The following TASOR variants were observed in gnomAD, a reference collection of about 807,000 sequenced individuals.
TASOR encodes transcription activation suppressor.
Under a neutral mutation model 178.6 loss-of-function variants are expected in TASOR, and 53 were observed. The ratio of observed to expected loss-of-function variants is 0.30; its 90% CI spans 0.24 to 0.37. TASOR has a LOEUF of 0.37. Among genes scored for constraint, TASOR ranks in the 10% least tolerant of loss-of-function variants. The pLI, the probability that TASOR is intolerant of heterozygous loss-of-function variation, is 1.00. For synonymous variants in TASOR, 713 were observed against 696.2 expected, an observed-to-expected ratio of 1.02 and a Z score of -0.38; for missense variants, 1,815 against 1,971.4, an observed-to-expected ratio of 0.92 and a Z score of 1.50.
intron 17 of TASOR, among the ~76,000 whole-genome samples, chr3:56,637,965 A>G (rs955048301): frequency 7.2e-5 from 11 of 152,154 alleles, no homozygotes; most frequent in Admixed American, 3.3e-4. Flanking sequence ...TATTTAATCT[A>G]CCTGCAGAAA....
chr3:56,679,543 A>T (rs757184340), intron 1 of TASOR, among the ~76,000 whole-genome samples: 93 of 152,234 alleles, frequency 6.1e-4, no homozygotes, highest in Non-Finnish European at 1.2e-3. Flanking sequence ...GCAAGTGAAA[A>T]TTTTGTGGGG....
At chr3:56,631,784 C>T (rs1243975413) in intron 18 of TASOR, among the ~76,000 whole-genome samples, 1 of 151,996 alleles carries the variant, frequency 6.6e-6, no homozygotes, top group Admixed American at 6.6e-5. Context: ...GGGTTTTCAC[C>T]ATGTTAGCCA....
chr3:56,657,961 G>A (rs927324140), intron 11 of TASOR, among the ~76,000 whole-genome samples: 4 of 152,180 alleles, frequency 2.6e-5, no homozygotes, highest in African/African-American at 9.7e-5. Flanking sequence ...ATGCCCTAGG[G>A]AGTTAAGGAC....
Position 56,630,912 on chromosome 3 carries a change from CG to C in TASOR, c.3747+2131del, listed in dbSNP as rs1267276643. On this transcript the variant is annotated intron_variant, in intron 18 of 23. Transcript: ENST00000683822. ...TTACAAATCCTTTTAAAAAAAGGAGCGGGGGGGTGGGGGGTGGGGGGTGCGG... is the reference window on the plus strand; with the variant it reads ...TTACAAATCCTTTTAAAAAAAGGAGCGGGGGGTGGGGGGTGGGGGGTGCGG... Among the ~76,000 whole-genome samples, 8 of 23,782 alleles carry C rather than the reference CG, an allele frequency of 3.4e-4. No individual in the cohort carries two copies. The East Asian group carries it at 3.9e-3, about 12-fold the overall frequency. The allele number at this position is 23,782 out of a possible 152,430, so 15.6% of individuals were successfully genotyped here.
intron 11 of TASOR, among the ~76,000 whole-genome samples, chr3:56,658,393 C>A (rs2077517077): frequency 6.6e-6 from 1 of 152,190 alleles, no homozygotes; most frequent in Non-Finnish European, 1.5e-5. Flanking sequence ...TTCTGATAAA[C>A]CCCTCATTGT....
chr3:56,669,592 C>A, intron 5 of TASOR, 108 bp downstream of exon 5: 1 of 651,198 alleles, frequency 1.5e-6, no homozygotes, highest in Non-Finnish European at 2.6e-6. Context: ...GTACCAAACA[C>A]TAACAAGCAT....
chr3:56,669,905 G>A lies in TASOR; in HGVS notation c.644-114C>T, dbSNP rs999289943. The A allele has an allele frequency of 1.6e-5, 15 of 928,656 alleles. No individual in the cohort carries two copies. The African/African-American group carries it at 2.5e-4, about 16-fold the overall frequency. 57.5% of individuals were successfully genotyped at this position (928,656 alleles called of 1,614,324 possible). A position where few individuals can be genotyped will look rare whatever the true frequency, so the allele number is the denominator to read the frequency against. On this transcript the variant is annotated intron_variant, in intron 4 of 23. Transcript: ENST00000683822. Reference sequence around the variant, plus strand: ...ATCAATTTGAGGTGTTCAAAAATCAGAAACAAAAGATAAAACTGATCTTAC... The same window carrying A: ...ATCAATTTGAGGTGTTCAAAAATCAAAAACAAAAGATAAAACTGATCTTAC...
rs186595892 is a variant in TASOR, at chr3:56,649,107, C to T, written c.1369-50G>A. ...GTTGTATCTGCTTTATTATTATTCA[C>T]CATAAGGCAGACACACAGCATTTTC... is the stretch of plus-strand genomic sequence containing the variant. On this transcript the variant is annotated intron_variant, in intron 11 of 23. Transcript: ENST00000683822. 2.2e-6 allele frequency: 3 copies of T among 1,382,456 alleles called. No individual in the cohort carries two copies. The Admixed American group carries it at 6.9e-5, about 32-fold the overall frequency. The allele number at this position is 1,382,456 out of a possible 1,614,324, so 85.6% of individuals were successfully genotyped here. A position where few individuals can be genotyped will look rare whatever the true frequency, so the allele number is the denominator to read the frequency against.
chr3:56,623,954 C>A (rs1337278190), intron 23 of TASOR: 2 of 811,268 alleles, frequency 2.5e-6, no homozygotes, highest in East Asian at 2.9e-5. Context: ...AATGAATGAT[C>A]ATTTCTGCTT....
chr3:56,663,416 T>C (rs1171875993), intron 8 of TASOR, 125 bp downstream of exon 8: 8 of 498,860 alleles, frequency 1.6e-5, no homozygotes, highest in Non-Finnish European at 2.4e-5. Context: ...GCGCTGATGC[T>C]ACATTATAAC....
At chr3:56,653,271 AAAAAAAAAAAAAAAAAAAG>A (rs942601573) in intron 11 of TASOR, among the ~76,000 whole-genome samples, 7 of 117,698 alleles carry the variant, frequency 5.9e-5, no homozygotes, top group African/African-American at 3.1e-4. Context: ...TCAAAAAAAA[AAAAAAAAAAAAAAAAAAAG>A]AAAAGACAAG....
rs998063243 is a variant in TASOR, at chr3:56,660,795, A to T, written c.1304T>A (p.Val435Glu). The T allele has an allele frequency of 1.2e-6, 2 of 1,613,840 alleles. No individual in the cohort carries two copies. The highest frequency in any genetic ancestry group is 1.7e-6 in the Non-Finnish European group (2 of 1,179,980). The change falls in exon 11 of 24, where the codon GTG becomes GAG. Residue 435 changes from valine (V) to glutamate (E), a missense_variant. Around this residue, in one of 5 missense-constraint regions of TASOR, gnomAD observed 504 missense variants for 645.3 expected, o/e 0.78. Coordinates refer to ENST00000683822, the MANE Select transcript of TASOR (RefSeq NM_001365635.2). ...NGMYCSLYEV[V>E]EKTRIGSNME... ...GTTACTTCCAATTCTTGTCTTTTCCACAACTTCATAAAGGCTGCAATACAT... is the reference window on the plus strand; with the variant it reads ...GTTACTTCCAATTCTTGTCTTTTCCTCAACTTCATAAAGGCTGCAATACAT...
At chr3:56,682,445 C>G (rs964305085) in intron 1 of TASOR, among the ~76,000 whole-genome samples, 1 of 152,086 alleles carries the variant, frequency 6.6e-6, no homozygotes, top group Non-Finnish European at 1.5e-5. Flanking sequence ...AAGCTTCAAA[C>G]CTGAGCTACT....
At chr3:56,663,955 G>T in intron 7 of TASOR, 2 of 708,872 alleles carry the variant, frequency 2.8e-6, no homozygotes, top group South Asian at 6.6e-5. Flanking sequence ...TATTTACCAG[G>T]CACAGTTCTA....
chr3:56,674,039 G>A (rs779115386), intron 1 of TASOR, among the ~76,000 whole-genome samples: 8 of 151,990 alleles, frequency 5.3e-5, no homozygotes, highest in African/African-American at 1.9e-4. Context: ...AAAAGAACCT[G>A]TGTTTATACT....
At chr3:56,652,334 C>T (rs1367132783) in intron 11 of TASOR, among the ~76,000 whole-genome samples, 1 of 152,056 alleles carries the variant, frequency 6.6e-6, no homozygotes, top group East Asian at 1.9e-4. Flanking sequence ...AATCCCAGCA[C>T]TCTGGGAGGC....
chr3:56,632,650 C>G (rs933296849), intron 18 of TASOR, among the ~76,000 whole-genome samples: 3 of 152,126 alleles, frequency 2.0e-5, no homozygotes, highest in Non-Finnish European at 4.4e-5. Context: ...TGAAAATACA[C>G]AATTAACATT....
intron 21 of TASOR, 23 bp downstream of exon 21, chr3:56,627,014 T>C (rs769614063): frequency 3.0e-6 from 4 of 1,348,910 alleles, no homozygotes; most frequent in Non-Finnish European, 4.2e-6. Flanking sequence ...ACAACCATTA[T>C]ATAGTTATGT....
chr3:56,645,422 T>C (rs1043555723), intron 14 of TASOR, among the ~76,000 whole-genome samples: 1 of 152,122 alleles, frequency 6.6e-6, no homozygotes, highest in African/African-American at 2.4e-5. Flanking sequence ...ACACACTGAA[T>C]CTGAAGAGAC....
Sources: allele counts gnomAD v4.1 joint callset (sites outside exome capture counted in the v4.1 genomes callset), GRCh38; gene constraint gnomAD v4.1.1; regional missense constraint gnomAD v4.1.1; transcripts MANE v1.5; gene names NCBI Gene and HGNC (gene_info 2026-07-23, HGNC 2026-07-21).